The following SAMD14 variants were observed in gnomAD, a reference collection of about 807,000 sequenced individuals.
SAMD14 encodes the protein sterile alpha motif domain-containing protein 14.
A neutral mutation model predicts 46.2 loss-of-function variants in SAMD14; 27 were observed. The observed-to-expected ratio is 0.58, with a 90% CI of 0.43 to 0.81. The LOEUF (loss-of-function observed/expected upper bound fraction) is 0.81. Ranked by LOEUF, SAMD14 falls within the 30% of genes least tolerant of loss-of-function variation. The probability of loss-of-function intolerance (pLI) is 0.00; values close to 1 mark genes in which losing one functional copy is unlikely to be tolerated. For missense variants in SAMD14, 559 were observed against 582.2 expected, an observed-to-expected ratio of 0.96 and a Z score of 0.41; for synonymous variants, 241 against 254.3, an observed-to-expected ratio of 0.95 and a Z score of 0.50.
chr17:50,116,395 G>A, intron 4 of SAMD14: 1 of 216,570 alleles, frequency 4.6e-6, no homozygotes, highest in Non-Finnish European at 8.9e-6. Context: ...TTTTATCCTG[G>A]CCAACTTTTT....
At chr17:50,125,181 TG>T (rs1377823588) in intron 1 of SAMD14, 1 of 549,362 alleles carries the variant, frequency 1.8e-6, no homozygotes, top group Non-Finnish European at 3.3e-6. Flanking sequence ...AGTAGGAGGG[TG>T]GGGGCAGACG....
chr17:50,122,883 G>A (rs990227931), intron 2 of SAMD14, among the ~76,000 whole-genome samples: 2 of 151,996 alleles, frequency 1.3e-5, no homozygotes, highest in Non-Finnish European at 2.9e-5. Context: ...TGAAATGGGA[G>A]GGTGGACACC....
rs1485645708 is a variant in SAMD14 at position 50,116,067 on chromosome 17, G to C, written c.523C>G (p.Pro175Ala). The change falls in exon 5 of 10, where the codon CCT becomes GCT. Residue 175 changes from proline (P) to alanine (A), a missense_variant. Transcript: ENST00000330175. ...SEDDSRDASPPEPASPTIGLD... is the reference protein window; with the variant it reads ...SEDDSRDASPAEPASPTIGLD... ...CCGATGGTGGGGCTGGCGGGCTCAG[G>C]AGGACTGGCGTCACGGCTGTCATCT... 3.1e-6 allele frequency: 5 copies of C among 1,613,788 alleles called. No homozygotes were observed. The highest frequency in any genetic ancestry group is 2.2e-5 in the East Asian group (1 of 44,882).
intron 2 of SAMD14, among the ~76,000 whole-genome samples, chr17:50,120,890 T>C (rs1598230094): frequency 6.6e-6 from 1 of 152,230 alleles, no homozygotes; most frequent in East Asian, 1.9e-4. Flanking sequence ...ACTCCAAAAC[T>C]CCACTCCTGT....
chr17:50,113,373 G>T (rs921801057), intron 9 of SAMD14: 3 of 332,856 alleles, frequency 9.0e-6, no homozygotes, highest in Non-Finnish European at 1.7e-5. Context: ...ACTTGCCCAA[G>T]GTCACACAGT....
At chr17:50,128,161 C>A (rs1911862916) in intron 1 of SAMD14, among the ~76,000 whole-genome samples, 1 of 152,158 alleles carries the variant, frequency 6.6e-6, no homozygotes, top group Non-Finnish European at 1.5e-5. Flanking sequence ...AATGAAGATC[C>A]TGTGTTCTTT....
At position 50,117,627 on chromosome 17, in the gene SAMD14, C is replaced by T. The variant is rs748815847; in HGVS notation, c.279G>A (p.Pro93=). The change falls in exon 4 of 10, where the codon CCG becomes CCA. Residue 93 remains proline (P), a synonymous_variant. Transcript: ENST00000330175. ...RSPLHSGPGS[P]AGGSFCLDPP... is the part of the protein sequence containing the mutation. ...GATCCAGGCAGAAAGAGCCCCCGGC[C>T]GGGGACCCCGGGCCTGAGTGCAAAG... is the stretch of plus-strand genomic sequence containing the variant. 42 of 1,559,068 alleles carry T rather than the reference C, an allele frequency of 2.7e-5. No homozygotes were observed. Among genetic ancestry groups the T allele is most frequent in the Non-Finnish European group, 3.3e-5 (38 of 1,162,478 alleles).
intron 3 of SAMD14, 80 bp downstream of exon 3, chr17:50,118,081 C>T (rs1911324894): frequency 4.2e-6 from 6 of 1,434,630 alleles, no homozygotes; most frequent in East Asian, 2.4e-5. Flanking sequence ...CCTGGAAGAG[C>T]ACTCTGGAGA....
chr17:50,113,175 C>T (rs561666728), intron 9 of SAMD14, 127 bp from the exon 10 acceptor site: 22 of 1,071,704 alleles, frequency 2.1e-5, no homozygotes, highest in South Asian at 9.8e-5. Context: ...GTGGAGCCTC[C>T]GCCTCCCACA....
intron 4 of SAMD14, 49 bp downstream of exon 4, chr17:50,117,358 C>T: frequency 7.9e-7 from 1 of 1,268,736 alleles, no homozygotes; most frequent in South Asian, 2.9e-5. Context: ...GGGAGGGCTG[C>T]TGCGCCCGGG....
intron 2 of SAMD14, among the ~76,000 whole-genome samples, chr17:50,122,778 T>C (rs1911563201): frequency 1.3e-5 from 2 of 151,982 alleles, no homozygotes; most frequent in Non-Finnish European, 2.9e-5. Context: ...AAAAAGAGCA[T>C]TCTAAGGAGA....
rs1171873885 is a variant in SAMD14 at position 50,113,915 on chromosome 17, C to A, written c.1098+9G>T. 8.7e-6 allele frequency: 14 copies of A among 1,613,716 alleles called. No homozygotes were observed. Among genetic ancestry groups the A allele is most frequent in the Non-Finnish European group, 1.2e-5 (14 of 1,179,922 alleles). On this transcript the variant is annotated intron_variant, in intron 9 of 9. Transcript: ENST00000330175. ...TGGGCTGGGTCATGGCCCTTCCACTCTGACCCACCTTTAGTTTGCTTCCGT... is the reference window on the plus strand; with the variant it reads ...TGGGCTGGGTCATGGCCCTTCCACTATGACCCACCTTTAGTTTGCTTCCGT...
At chr17:50,121,421 G>A (rs1911496500) in intron 2 of SAMD14, among the ~76,000 whole-genome samples, 1 of 151,706 alleles carries the variant, frequency 6.6e-6, no homozygotes, top group South Asian at 2.1e-4. Flanking sequence ...AGGCTCAATC[G>A]ATTCTCCTGG....
Position 50,117,479 on chromosome 17 carries a change from G to A in SAMD14, c.427C>T (p.Arg143Cys). The A allele has an allele frequency of 7.1e-7, 1 of 1,413,376 alleles. No homozygotes were observed. The highest frequency in any genetic ancestry group is 9.2e-7 in the Non-Finnish European group (1 of 1,092,078). 87.6% of individuals were successfully genotyped at this position (1,413,376 alleles called of 1,614,324 possible). The change falls in exon 4 of 10, where the codon CGC becomes TGC. Residue 143 changes from arginine (R) to cysteine (C), a missense_variant. By Grantham distance (180) the Arg-to-Cys change is radical. Transcript: ENST00000330175. ...GLAAASCSPP[R>C]SAPSSDSSPS... ...GAGCTGTCGGAGGAGGGCGCGGAGC[G>A]CGGCGGAGAGCAGGAGGCGGCGGCC...
rs1281895092 is a variant in SAMD14, at chr17:50,118,268, C to T, written c.103G>A (p.Ala35Thr). The change falls in exon 3 of 10, where the codon GCC becomes ACC. Residue 35 changes from alanine (A) to threonine (T), a missense_variant. Physicochemically the swap from Ala to Thr is moderately conservative, Grantham distance 58. Transcript: ENST00000330175. ...RLDSSLHKAR[A>T]QLLAKGRRHR... ...CTCCGGCCCTTGGCCAACAGTTGGG[C>T]CCGGGCCTTGTGTAAACTGCTGTCC... The T allele has an allele frequency of 5.6e-6, 9 of 1,613,898 alleles. No homozygotes were observed. The highest frequency in any genetic ancestry group is 1.3e-5 in the African/African-American group (1 of 74,938).
At chr17:50,116,400 C>CT (rs10596441) in intron 4 of SAMD14, 4,483 of 132,576 alleles carry the variant, frequency 0.034, 95 homozygotes, top group African/African-American at 0.06. Flanking sequence ...TCCTGGCCAA[C>CT]TTTTTTTTTT....
rs748237964 is a variant in SAMD14 at position 50,115,980 on chromosome 17, G to A, written c.587+23C>T. ...TTACCCCAGCAGCTCCAAGCCCTGC[G>A]ATCTAGCCCCGCCTCCACTCACCCC... On this transcript the variant is annotated intron_variant, in intron 5 of 9. Coordinates refer to ENST00000330175, the MANE Select transcript of SAMD14 (RefSeq NM_001257359.2). This position sits in a 1 kb window ranked among gnomAD's most constrained non-coding sequence, Gnocchi z 5.3. 3.7e-6 allele frequency: 6 copies of A among 1,613,714 alleles called. No individual in the cohort carries two copies. The highest frequency in any genetic ancestry group is 2.7e-5 in the African/African-American group (2 of 75,032).
rs1246593791 is a variant in SAMD14 at position 50,118,300 on chromosome 17, G to A, written c.71C>T (p.Ala24Val). ...CTTGTGTAAACTGCTGTCCAGTCTG[G>A]CCGTCTCTGGCACAGCCAAGTCCAG... ...FDLDLAVPET[A>V]RLDSSLHKAR... The change falls in exon 3 of 10, where the codon GCC becomes GTC. Residue 24 changes from alanine to valine, a missense_variant. Coordinates refer to ENST00000330175, the MANE Select transcript of SAMD14 (RefSeq NM_001257359.2). 1 of 1,613,412 alleles carries A rather than the reference G, an allele frequency of 6.2e-7. No homozygotes were observed. Among genetic ancestry groups the A allele is most frequent in the African/African-American group, 1.3e-5 (1 of 74,952 alleles).
At chr17:50,117,383 G>A (rs1335983444) in intron 4 of SAMD14, 24 bp downstream of exon 4, 4 of 1,283,902 alleles carry the variant, frequency 3.1e-6, no homozygotes, top group Non-Finnish European at 3.9e-6. Context: ...ACCAGCAGGA[G>A]GTGCGGCGCT....
Sources: gnomAD v4.1 joint callset for allele counts (sites outside exome capture counted in the v4.1 genomes callset) on GRCh38, gnomAD v4.1.1 for gene constraint, Gnocchi (gnomAD v3.1) non-coding constraint, MANE v1.5 for transcripts, NCBI Gene and HGNC (gene_info 2026-07-23, HGNC 2026-07-21) for gene names.